The following SPECC1L variants were observed in gnomAD, a reference collection of about 807,000 sequenced individuals.
SPECC1L encodes sperm antigen with calponin homology and coiled-coil domains 1 like.
SPECC1L carries 40 observed loss-of-function variants against 116.8 expected under a neutral mutation model. That is an observed-to-expected ratio of 0.34 (90% confidence interval 0.27 to 0.45). The LOEUF (loss-of-function observed/expected upper bound fraction) is 0.45, where lower values mean the gene tolerates loss of function less well. SPECC1L is among the 20% of genes least tolerant of loss of function. SPECC1L has a pLI of 1.00. For synonymous variants in SPECC1L, 504 were observed against 500.6 expected, an observed-to-expected ratio of 1.01 and a Z score of -0.09; for missense variants, 1,110 against 1,373.6, an observed-to-expected ratio of 0.81 and a Z score of 3.03.
At chr22:24,330,559 A>C in intron 8 of SPECC1L, 128 bp downstream of exon 8, 1 of 1,022,840 alleles carries the variant, frequency 9.8e-7, no homozygotes, top group South Asian at 1.4e-5. Context: ...GATGGAAGTT[A>C]CTCAGCTTTT....
At chr22:24,406,697 T>A (rs953639094) in intron 14 of SPECC1L, among the ~76,000 whole-genome samples, 1 of 152,144 alleles carries the variant, frequency 6.6e-6, no homozygotes, top group African/African-American at 2.4e-5. Flanking sequence ...TCCATGCGAT[T>A]TTGTGTCGTT....
chr22:24,409,749 C>T (rs1256767756), intron 14 of SPECC1L, among the ~76,000 whole-genome samples: 2 of 152,208 alleles, frequency 1.3e-5, no homozygotes, highest in Non-Finnish European at 2.9e-5. Context: ...AAAGTCAAGG[C>T]TGGGTACAGT....
intron 2 of SPECC1L, among the ~76,000 whole-genome samples, chr22:24,281,461 A>G (rs1569401594): frequency 6.6e-6 from 1 of 152,194 alleles, no homozygotes; most frequent in Non-Finnish European, 1.5e-5. Context: ...TTCTCAATTT[A>G]TTTAGTTTTT....
rs1271704914 is a variant in SPECC1L at position 24,345,614 on chromosome 22, T to C, written c.2653-1472T>C. Among the ~76,000 whole-genome samples the C allele has an allele frequency of 5.3e-5, 8 of 151,570 alleles. No individual in the cohort carries two copies. In the East Asian group the frequency reaches 1.5e-3, roughly 29 times the overall value. ...AATAATGGGCTAAGATTTGAGAAGA[T>C]CCTTCCAGGAGAAGAATACAAATGG... On this transcript the variant is annotated intron_variant, in intron 10 of 16. Coordinates refer to ENST00000314328, the MANE Select transcript of SPECC1L (RefSeq NM_015330.6).
intron 12 of SPECC1L, among the ~76,000 whole-genome samples, chr22:24,363,965 C>T (rs1412741080): frequency 6.6e-6 from 1 of 151,886 alleles, no homozygotes; most frequent in African/African-American, 2.4e-5. Flanking sequence ...TTTTAGTAAT[C>T]AGGGGAAAAC....
At chr22:24,275,744 C>G (rs182453092) in intron 1 of SPECC1L, among the ~76,000 whole-genome samples, 1 of 152,262 alleles carries the variant, frequency 6.6e-6, no homozygotes, top group African/African-American at 2.4e-5. Flanking sequence ...GAGACTGAGT[C>G]TCACCCTATC....
In SPECC1L at chr22:24,334,592, A is replaced by C; in HGVS notation, c.2560+19A>C. 1 of 1,613,560 alleles carries C rather than the reference A, an allele frequency of 6.2e-7. No individual in the cohort carries two copies. Among genetic ancestry groups the C allele is most frequent in the Non-Finnish European group, 8.5e-7 (1 of 1,179,600 alleles). Reference sequence around the variant, plus strand: ...TCTCAAGGTAATTAATTTCTCCTACATTGTGCCTACTGCATGCGGTTGTGT... The same window carrying C: ...TCTCAAGGTAATTAATTTCTCCTACCTTGTGCCTACTGCATGCGGTTGTGT... On this transcript the variant is annotated intron_variant, in intron 9 of 16. Transcript: ENST00000314328.
At chr22:24,311,214 G>A (rs1344021570) in intron 3 of SPECC1L, among the ~76,000 whole-genome samples, 1 of 152,244 alleles carries the variant, frequency 6.6e-6, no homozygotes, top group African/African-American at 2.4e-5. Context: ...ATTGTAACCA[G>A]AGAAGTGTGA....
intron 14 of SPECC1L, among the ~76,000 whole-genome samples, chr22:24,371,039 C>T (rs976280255): frequency 1.8e-4 from 28 of 151,668 alleles, no homozygotes; most frequent in African/African-American, 4.8e-4. Flanking sequence ...GCCACTGAAC[C>T]GTATAATTAA....
At chr22:24,398,955 A>G (rs1230140372) in intron 14 of SPECC1L, among the ~76,000 whole-genome samples, 1 of 152,212 alleles carries the variant, frequency 6.6e-6, no homozygotes, top group African/African-American at 2.4e-5. Flanking sequence ...TTAGTGAGTA[A>G]TATCCCCTGC....
At chr22:24,295,051 G>A (rs2049232649) in intron 2 of SPECC1L, among the ~76,000 whole-genome samples, 1 of 151,766 alleles carries the variant, frequency 6.6e-6, no homozygotes, top group East Asian at 1.9e-4. Context: ...CCTTGTAGAA[G>A]TAAAGGAAAC....
chr22:24,320,676 A>G (rs2040703036), intron 4 of SPECC1L, among the ~76,000 whole-genome samples: 1 of 152,228 alleles, frequency 6.6e-6, no homozygotes, highest in South Asian at 2.1e-4. Flanking sequence ...ATGTATTTGT[A>G]TAACCAAGTG....
chr22:24,324,351 C>A lies in SPECC1L; in HGVS notation c.2070C>A (p.Ile690=), dbSNP rs1438253834. 1 of 1,614,136 alleles carries A rather than the reference C, an allele frequency of 6.2e-7. No homozygotes were observed. The highest frequency in any genetic ancestry group is 8.5e-7 in the Non-Finnish European group (1 of 1,179,980). ...ETERSDMKET[I]FELEDEVEQH... ...AAAGGAGTGACATGAAAGAAACCATCTTTGAACTTGAAGATGAAGTAGAAC... is the reference window on the plus strand; with the variant it reads ...AAAGGAGTGACATGAAAGAAACCATATTTGAACTTGAAGATGAAGTAGAAC... The change falls in exon 6 of 17, where the codon ATC becomes ATA. Residue 690 remains isoleucine, a synonymous_variant. Transcript: ENST00000314328.
Position 24,288,615 on chromosome 22 carries a change from C to CTTTTTT in SPECC1L, c.-38+11836_-38+11841dup, listed in dbSNP as rs756714389. Among the ~76,000 whole-genome samples the CTTTTTT allele has an allele frequency of 2.0e-3, 122 of 61,678 alleles. 16 individuals are homozygous for CTTTTTT. The highest frequency in any genetic ancestry group is 5.0e-3 in the East Asian group (8 of 1,586). The allele number at this position is 61,678 out of a possible 152,430, so 40.5% of individuals were successfully genotyped here. On this transcript the variant is annotated intron_variant, in intron 2 of 16. Transcript: ENST00000314328. The stretch of plus-strand genomic sequence containing the variant: ...GACTTCTCAAATCCAAAATTTTAAG[C>CTTTTTT]TTTTTTTTTTTTTTTTTTTTTTTTT...
chr22:24,402,179 C>T (rs1201751704), intron 14 of SPECC1L, among the ~76,000 whole-genome samples: 1 of 148,986 alleles, frequency 6.7e-6, no homozygotes, highest in African/African-American at 2.5e-5. Context: ...CTCCCCTGAC[C>T]TGGAGCAGAG....
intron 2 of SPECC1L, among the ~76,000 whole-genome samples, chr22:24,283,756 A>T (rs1388315236): frequency 6.6e-6 from 1 of 152,236 alleles, no homozygotes. Flanking sequence ...CAATAACTAT[A>T]GAGCTATTCA....
intron 16 of SPECC1L, among the ~76,000 whole-genome samples, 198 bp from the exon 17 acceptor site, chr22:24,414,336 A>G (rs533988732): frequency 3.3e-5 from 5 of 152,316 alleles, no homozygotes; most frequent in Admixed American, 3.3e-4. Flanking sequence ...GCTCTGGGGC[A>G]GGGGTGGATG....
At position 24,313,415 on chromosome 22, in the gene SPECC1L, G is replaced by A. The variant is rs1441734161; in HGVS notation, c.256G>A (p.Ala86Thr). Reference protein sequence around the residue: ...KSTCPSAAPSASAPAMTTVEN... With the variant: ...KSTCPSAAPSTSAPAMTTVEN... ...CACCTGCCCATCTGCAGCACCTTCA[G>A]CATCTGCCCCTGCCATGACCACCGT... Residue 86 changes from alanine (A) to threonine (T), a missense_variant, in exon 4 of 17, where the codon GCA becomes ACA. Coordinates refer to ENST00000314328, the MANE Select transcript of SPECC1L (RefSeq NM_015330.6). 6.2e-7 allele frequency: 1 copy of A among 1,614,156 alleles called. No individual in the cohort carries two copies. Among genetic ancestry groups the A allele is most frequent in the East Asian group, 2.2e-5 (1 of 44,882 alleles).
chr22:24,411,399 A>G (rs1479606389), intron 14 of SPECC1L, among the ~76,000 whole-genome samples, 189 bp from the exon 15 acceptor site: 1 of 151,978 alleles, frequency 6.6e-6, no homozygotes, highest in East Asian at 1.9e-4. Context: ...GCAGCCATCT[A>G]CAGCTGGTGG....
Sources: gnomAD v4.1 joint callset for allele counts (sites outside exome capture counted in the v4.1 genomes callset) on GRCh38, gnomAD v4.1.1 for gene constraint, MANE v1.5 for transcripts, NCBI Gene and HGNC (gene_info 2026-07-23, HGNC 2026-07-21) for gene names.